ZFAND3: variants seen among roughly 807,000 people sequenced by gnomAD.
ZFAND3 encodes the protein zinc finger AN1-type containing 3, also known as AN1-type zinc finger protein 3.
Under a neutral mutation model 29.6 loss-of-function variants are expected in ZFAND3, and 10 were observed. The ratio of observed to expected loss-of-function variants is 0.34; its 90% CI spans 0.21 to 0.57. The LOEUF is 0.57. ZFAND3 is among the 20% of genes least tolerant of loss of function. The pLI is 0.86. For missense variants in ZFAND3, 230 were observed against 304.5 expected (o/e 0.76, Z 1.82); for synonymous variants, 128 against 112.6 (o/e 1.14, Z -0.87).
intron 5 of ZFAND3, among the ~76,000 whole-genome samples, chr6:38,124,904 C>A (rs190670766): frequency 7.7e-4 from 117 of 152,222 alleles, no homozygotes; most frequent in African/African-American, 2.7e-3. Flanking sequence ...AAGCAAAAGA[C>A]CCCGGCCTTT....
chr6:37,996,636 A>G (rs1762854064), intron 2 of ZFAND3, among the ~76,000 whole-genome samples: 1 of 152,206 alleles, frequency 6.6e-6, no homozygotes, highest in South Asian at 2.1e-4. Flanking sequence ...GAAGGGATAC[A>G]TTAACTTTTC....
intron 2 of ZFAND3, among the ~76,000 whole-genome samples, chr6:37,931,288 C>A (rs1182177757): frequency 6.6e-6 from 1 of 152,114 alleles, no homozygotes; most frequent in African/African-American, 2.4e-5. Context: ...CTAGAACAAA[C>A]AGTAGATTCT....
At position 38,079,192 on chromosome 6, in the gene ZFAND3, C is replaced by A. The variant is rs559182918; in HGVS notation, c.296-3200C>A. ...TTTCATAGGTTGTAGTTTGCCAGAC[C>A]AAATTTAACTCTAAGCTCTCTGTTT... On this transcript the variant is annotated intron_variant, in intron 3 of 5. Coordinates refer to ENST00000287218, the MANE Select transcript of ZFAND3 (RefSeq NM_021943.3). Among the ~76,000 whole-genome samples the A allele has an allele frequency of 6.9e-3, 1,047 of 152,210 alleles. 6 individuals are homozygous for A. Among genetic ancestry groups the A allele is most frequent in the African/African-American group, 0.023 (969 of 41,516 alleles).
intron 3 of ZFAND3, among the ~76,000 whole-genome samples, chr6:38,066,888 A>T (rs1379222305): frequency 6.6e-6 from 1 of 152,182 alleles, no homozygotes; most frequent in Non-Finnish European, 1.5e-5. Context: ...CTCTTAAGTG[A>T]TATTTCTGTA....
intron 1 of ZFAND3, among the ~76,000 whole-genome samples, chr6:37,925,703 CAA>C (rs35278839): frequency 7.6e-5 from 9 of 118,672 alleles, no homozygotes; most frequent in East Asian, 2.6e-4. Flanking sequence ...CACTCCATCT[CAA>C]AAAAAAAAAA....
intron 2 of ZFAND3, among the ~76,000 whole-genome samples, chr6:38,027,421 C>T (rs1763471999): frequency 6.6e-6 from 1 of 152,122 alleles, no homozygotes; most frequent in African/African-American, 2.4e-5. Context: ...TCTAAGGTTA[C>T]CTTTTCCTTT....
At chr6:37,902,365 G>A (rs1427124083) in intron 1 of ZFAND3, among the ~76,000 whole-genome samples, 1 of 152,110 alleles carries the variant, frequency 6.6e-6, no homozygotes, top group Admixed American at 6.5e-5. Context: ...CACTCGGGGG[G>A]CTGAGGAAGG....
At chr6:37,992,641 A>G (rs1259090364) in intron 2 of ZFAND3, among the ~76,000 whole-genome samples, 1 of 152,190 alleles carries the variant, frequency 6.6e-6, no homozygotes, top group East Asian at 1.9e-4. Flanking sequence ...TAAGAAATAT[A>G]CCTAAGAAAA....
chr6:38,146,682 T>G (rs549060923), intron 5 of ZFAND3, among the ~76,000 whole-genome samples: 39 of 152,278 alleles, frequency 2.6e-4, no homozygotes, highest in African/African-American at 9.4e-4. Context: ...TAAACCACAT[T>G]TAGCAGGCAG....
chr6:38,004,453 T>G, intron 2 of ZFAND3, among the ~76,000 whole-genome samples: 1 of 141,252 alleles, frequency 7.1e-6, no homozygotes, highest in East Asian at 2.4e-4. Flanking sequence ...CCTCTCCCCC[T>G]TCCCCTCTCC....
chr6:38,105,711 A>G (rs957961325), intron 4 of ZFAND3, among the ~76,000 whole-genome samples: 10 of 152,160 alleles, frequency 6.6e-5, no homozygotes, highest in African/African-American at 2.4e-4. Flanking sequence ...GGAAAACTGG[A>G]TGAAGGGGGC....
intron 5 of ZFAND3, among the ~76,000 whole-genome samples, chr6:38,142,820 T>A (rs1765991329): frequency 2.6e-5 from 4 of 152,236 alleles, no homozygotes; most frequent in Admixed American, 2.6e-4. Flanking sequence ...AAATGATGTT[T>A]GAAAGAGCAA....
intron 2 of ZFAND3, among the ~76,000 whole-genome samples, chr6:37,953,441 C>CTT (rs35182018): frequency 0.096 from 10,169 of 105,982 alleles, 778 homozygotes; most frequent in East Asian, 0.24. Context: ...GCATAATTAT[C>CTT]TTTTTTTTTT....
At chr6:38,053,920 G>A (rs1457407202) in intron 2 of ZFAND3, among the ~76,000 whole-genome samples, 1 of 151,918 alleles carries the variant, frequency 6.6e-6, no homozygotes, top group Non-Finnish European at 1.5e-5. Context: ...GATGAGATGG[G>A]AGGAAGGGCA....
At chr6:37,860,655 T>TTTTTTTTG (rs553527543) in intron 1 of ZFAND3, among the ~76,000 whole-genome samples, 1 of 144,444 alleles carries the variant, frequency 6.9e-6, no homozygotes, top group Non-Finnish European at 1.5e-5. Flanking sequence ...TTTTTTTTTT[T>TTTTTTTTG]TTAAGTAGGT....
In ZFAND3 at chr6:38,047,970, T is replaced by G. The variant is rs1005695236; in HGVS notation, c.113-13623T>G. On this transcript the variant is annotated intron_variant, in intron 2 of 5. Coordinates refer to ENST00000287218, the MANE Select transcript of ZFAND3 (RefSeq NM_021943.3). ...TCCAGACCTAGGTTTTTGGGTTTTT[T>G]TTGTTTTTTTTTTTTTTACTTTTTG... 3.3e-3 allele frequency among the ~76,000 whole-genome samples: 433 copies of G among 132,082 alleles called. 1 individual carries two copies. Among genetic ancestry groups the G allele is most frequent in the African/African-American group, 0.01 (391 of 37,922 alleles). 86.7% of individuals were successfully genotyped at this position (132,082 alleles called of 152,430 possible).
At chr6:38,045,072 T>TTATTTATG (rs2127457652) in intron 2 of ZFAND3, among the ~76,000 whole-genome samples, 1 of 142,948 alleles carries the variant, frequency 7.0e-6, no homozygotes, top group East Asian at 3.8e-4. Flanking sequence ...ATTTATTTAT[T>TTATTTATG]TATTTATTTA....
intron 4 of ZFAND3, among the ~76,000 whole-genome samples, chr6:38,085,741 A>G (rs754855378): frequency 2.0e-5 from 3 of 152,172 alleles, no homozygotes; most frequent in South Asian, 2.1e-4. Context: ...TGCTCAGCCC[A>G]TACATGCAGT....
intron 1 of ZFAND3, among the ~76,000 whole-genome samples, chr6:37,925,518 C>T (rs1761466720): frequency 2.0e-5 from 3 of 152,070 alleles, no homozygotes; most frequent in Non-Finnish European, 4.4e-5. Context: ...GCCTGGCCAA[C>T]ATGGTGAAAA....
Sources: allele counts gnomAD v4.1 joint callset (sites outside exome capture counted in the v4.1 genomes callset), GRCh38; gene constraint gnomAD v4.1.1; transcripts MANE v1.5; gene names NCBI Gene and HGNC (gene_info 2026-07-23, HGNC 2026-07-21).